SEMA5A: variants seen among roughly 807,000 people sequenced by gnomAD.
SEMA5A encodes the protein semaphorin-5A.
SEMA5A carries 55 observed loss-of-function variants against 135.5 expected under a neutral mutation model. That is an observed-to-expected ratio of 0.41 (90% CI 0.33 to 0.51). SEMA5A has a LOEUF of 0.51. Ranked by LOEUF, SEMA5A falls within the 20% of genes least tolerant of loss-of-function variation. The pLI is 0.37. For missense variants in SEMA5A, 1,290 were observed against 1,419.9 expected (o/e 0.91, Z 1.47); for synonymous variants, 580 against 546.5 (o/e 1.06, Z -0.85).
intron 3 of SEMA5A, among the ~76,000 whole-genome samples, chr5:9,342,349 A>G (rs566224818): frequency 7.3e-4 from 111 of 152,316 alleles, no homozygotes; most frequent in African/African-American, 2.5e-3. Context: ...CTGATTTGTT[A>G]GCAAACACTG....
intron 13 of SEMA5A, among the ~76,000 whole-genome samples, chr5:9,126,014 C>T: frequency 6.6e-6 from 1 of 152,150 alleles, no homozygotes; most frequent in Non-Finnish European, 1.5e-5. Flanking sequence ...GCAAACCTTG[C>T]TAGTATTGTT....
At chr5:9,363,576 G>C (rs1166520498) in intron 3 of SEMA5A, among the ~76,000 whole-genome samples, 4 of 152,224 alleles carry the variant, frequency 2.6e-5, no homozygotes, top group African/African-American at 9.6e-5. Context: ...GTCACAGAAA[G>C]AGCATTGCAG....
At chr5:9,489,828 T>C (rs28448511) in intron 1 of SEMA5A, among the ~76,000 whole-genome samples, 201 of 152,286 alleles carry the variant, frequency 1.3e-3, no homozygotes, top group African/African-American at 4.7e-3. Context: ...CTGCTTTAAG[T>C]ACACTGACTT....
intron 16 of SEMA5A, among the ~76,000 whole-genome samples, chr5:9,087,006 A>G (rs1561139150): frequency 6.6e-6 from 1 of 152,026 alleles, no homozygotes; most frequent in African/African-American, 2.4e-5. Flanking sequence ...CTCTGTGCCC[A>G]CTTCTGTGGA....
At chr5:9,129,118 G>A (rs538737729) in intron 13 of SEMA5A, among the ~76,000 whole-genome samples, 181 of 152,324 alleles carry the variant, frequency 1.2e-3, no homozygotes, top group Non-Finnish European at 2.2e-3. Flanking sequence ...ATCGGCAAAA[G>A]AGGAGCTCAT....
intron 11 of SEMA5A, among the ~76,000 whole-genome samples, chr5:9,164,426 G>A (rs3797920): frequency 0.091 from 13,706 of 150,812 alleles, 783 homozygotes; most frequent in African/African-American, 0.16. Context: ...CTAAAATATT[G>A]TGATTCAAAT....
intron 16 of SEMA5A, among the ~76,000 whole-genome samples, chr5:9,101,492 AGAT>A (rs1298553100): frequency 6.6e-6 from 1 of 152,244 alleles, no homozygotes; most frequent in African/African-American, 2.4e-5. Flanking sequence ...TTATAATGAC[AGAT>A]GATGATGATG....
intron 16 of SEMA5A, among the ~76,000 whole-genome samples, chr5:9,071,100 AAT>A (rs1444984059): frequency 6.6e-6 from 1 of 152,212 alleles, no homozygotes; most frequent in Admixed American, 6.5e-5. Flanking sequence ...TCTGGTGCAA[AAT>A]ATGAGATAAG....
intron 1 of SEMA5A, among the ~76,000 whole-genome samples, chr5:9,448,957 C>G (rs186803722): frequency 6.6e-6 from 1 of 152,348 alleles, no homozygotes; most frequent in Admixed American, 6.5e-5. Flanking sequence ...TCAAGAACAA[C>G]AGTTTGGTTG....
intron 16 of SEMA5A, among the ~76,000 whole-genome samples, chr5:9,079,990 G>A (rs575498544): frequency 2.6e-4 from 39 of 152,254 alleles, no homozygotes; most frequent in African/African-American, 8.9e-4. Flanking sequence ...ACAGTGTAGC[G>A]ACTCCTCAAG....
chr5:9,471,339 G>A (rs1457584151), intron 1 of SEMA5A, among the ~76,000 whole-genome samples: 3 of 152,158 alleles, frequency 2.0e-5, no homozygotes, highest in Admixed American at 1.3e-4. Context: ...GAAGAGGAAC[G>A]AGGCAAAGGA....
chr5:9,521,135 C>T (rs1396742048), intron 1 of SEMA5A, among the ~76,000 whole-genome samples: 4 of 152,180 alleles, frequency 2.6e-5, no homozygotes, highest in Non-Finnish European at 5.9e-5. Context: ...TTAGGCTAGG[C>T]CTGGTGGCTC....
chr5:9,369,739 C>A lies in SEMA5A; in HGVS notation c.124+10084G>T, dbSNP rs960579752. 4.6e-5 allele frequency among the ~76,000 whole-genome samples: 7 copies of A among 150,688 alleles called. No individual in the cohort carries two copies. In the East Asian group the frequency reaches 1.4e-3, roughly 30 times the overall value. ...TGCAATTACATCATTGTTTTGAGTT[C>A]TTGTAGTGTAGGTCTTCCAACATTT... is the stretch of plus-strand genomic sequence containing the variant. On this transcript the variant is annotated intron_variant, in intron 3 of 22. Coordinates refer to ENST00000382496, the MANE Select transcript of SEMA5A (RefSeq NM_003966.3).
intron 5 of SEMA5A, among the ~76,000 whole-genome samples, chr5:9,254,189 T>C (rs537861395): frequency 6.6e-6 from 1 of 152,284 alleles, no homozygotes; most frequent in Admixed American, 6.5e-5. Flanking sequence ...TGTAACAGAA[T>C]TTGGGATATA....
At chr5:9,531,140 A>G (rs1308282754) in intron 1 of SEMA5A, among the ~76,000 whole-genome samples, 2 of 152,196 alleles carry the variant, frequency 1.3e-5, no homozygotes, top group African/African-American at 4.8e-5. Context: ...TGAGACCTCG[A>G]GCACATCAGA....
chr5:9,311,764 T>G (rs774188951), intron 5 of SEMA5A, among the ~76,000 whole-genome samples: 16 of 151,838 alleles, frequency 1.1e-4, no homozygotes, highest in Non-Finnish European at 7.4e-5. Flanking sequence ...TAAAATAAAA[T>G]AAAAAGAAGA....
intron 1 of SEMA5A, among the ~76,000 whole-genome samples, chr5:9,474,353 G>A (rs1212845731): frequency 6.6e-6 from 1 of 152,058 alleles, no homozygotes; most frequent in Non-Finnish European, 1.5e-5. Flanking sequence ...GGGATTCTGG[G>A]GGAGGGCTCA....
chr5:9,158,427 A>C, intron 11 of SEMA5A, among the ~76,000 whole-genome samples: 1 of 152,116 alleles, frequency 6.6e-6, no homozygotes, highest in East Asian at 1.9e-4. Context: ...CTCTAACCAA[A>C]GTTATTTGCA....
chr5:9,518,082 A>C (rs1464706419), intron 1 of SEMA5A: 1 of 152,226 alleles, frequency 6.6e-6, no homozygotes. Flanking sequence ...CACCCACCAA[A>C]AAACAAAAAA....
Sources: allele counts gnomAD v4.1 joint callset (sites outside exome capture counted in the v4.1 genomes callset), GRCh38; gene constraint gnomAD v4.1.1; transcripts MANE v1.5; gene names NCBI Gene and HGNC (gene_info 2026-07-23, HGNC 2026-07-21).